PCSK2: variants seen among roughly 807,000 people sequenced by gnomAD.
PCSK2 encodes the protein proprotein convertase subtilisin/kexin type 2, also known as neuroendocrine convertase 2.
A neutral mutation model predicts 69.7 loss-of-function variants in PCSK2; 14 were observed. The observed-to-expected ratio is 0.20, with a 90% CI of 0.13 to 0.31. PCSK2 has a LOEUF of 0.31. Ranked by LOEUF, PCSK2 falls within the 10% of genes least tolerant of loss-of-function variation. The probability of loss-of-function intolerance (pLI) is 1.00; values close to 1 mark genes in which losing one functional copy is unlikely to be tolerated. For synonymous variants in PCSK2, 307 were observed against 320.7 expected, an observed-to-expected ratio of 0.96 and a Z score of 0.46; for missense variants, 544 against 842.5, an observed-to-expected ratio of 0.65 and a Z score of 4.39.
chr20:17,437,137 CGGG>C (rs56107600), intron 8 of PCSK2, among the ~76,000 whole-genome samples: 7 of 148,102 alleles, frequency 4.7e-5, no homozygotes, highest in Admixed American at 4.1e-4. Flanking sequence ...AGGAAGGGGC[CGGG>C]GGGGGGAGGG....
intron 1 of PCSK2, among the ~76,000 whole-genome samples, chr20:17,238,172 A>T (rs1331079389): frequency 6.6e-6 from 1 of 152,234 alleles, no homozygotes; most frequent in East Asian, 1.9e-4. Context: ...AAGTGGAGGT[A>T]CCAAATATAG....
chr20:17,295,613 A>G (rs886648785), intron 2 of PCSK2, among the ~76,000 whole-genome samples: 2 of 150,808 alleles, frequency 1.3e-5, no homozygotes, highest in African/African-American at 2.4e-5. Flanking sequence ...CTGAGGCTGG[A>G]GTGCAGTGGC....
intron 2 of PCSK2, among the ~76,000 whole-genome samples, chr20:17,327,615 C>T (rs1297819770): frequency 6.6e-6 from 1 of 152,192 alleles, no homozygotes; most frequent in Non-Finnish European, 1.5e-5. Context: ...GGCAACGCGG[C>T]GCTCCCTCCC....
chr20:17,336,692 C>T (rs572594834), intron 2 of PCSK2, among the ~76,000 whole-genome samples: 3 of 152,294 alleles, frequency 2.0e-5, no homozygotes, highest in Admixed American at 6.5e-5. Flanking sequence ...ATTGTTCACA[C>T]TTCGTCATTT....
At chr20:17,416,716 T>A (rs142176770) in intron 6 of PCSK2, among the ~76,000 whole-genome samples, 318 of 152,312 alleles carry the variant, frequency 2.1e-3, no homozygotes, top group African/African-American at 7.3e-3. Flanking sequence ...TAAAAACACA[T>A]GCACACATAT....
At chr20:17,429,653 A>T (rs541228629) in intron 7 of PCSK2, 130 bp downstream of exon 7, 113 of 590,234 alleles carry the variant, frequency 1.9e-4, no homozygotes, top group Middle Eastern at 1.9e-3. Flanking sequence ...AGTGAAAAAA[A>T]TTTTTTTCTT....
chr20:17,244,193 A>C (rs1986689664), intron 1 of PCSK2, among the ~76,000 whole-genome samples: 1 of 152,064 alleles, frequency 6.6e-6, no homozygotes, highest in South Asian at 2.1e-4. Context: ...ACAATTGGGG[A>C]CTCTGGGTGA....
intron 2 of PCSK2, among the ~76,000 whole-genome samples, chr20:17,311,386 T>C (rs974091658): frequency 6.6e-6 from 1 of 152,178 alleles, no homozygotes; most frequent in African/African-American, 2.4e-5. Flanking sequence ...TATATTTCTT[T>C]AAAAATTTAG....
At chr20:17,435,972 A>G (rs2032477071) in intron 7 of PCSK2, among the ~76,000 whole-genome samples, 1 of 152,136 alleles carries the variant, frequency 6.6e-6, no homozygotes, top group Admixed American at 6.5e-5. Flanking sequence ...GTGTCTTAGG[A>G]TTGTGTGTCC....
chr20:17,452,846 G>A (rs989766405), intron 8 of PCSK2, among the ~76,000 whole-genome samples: 4 of 152,220 alleles, frequency 2.6e-5, no homozygotes, highest in Admixed American at 2.0e-4. Flanking sequence ...ATACTCAGAA[G>A]ACAAGGAAAA....
chr20:17,226,722 G>T (rs1388056002), upstream of PCSK2, among the ~76,000 whole-genome samples: 1 of 151,788 alleles, frequency 6.6e-6, no homozygotes, highest in Non-Finnish European at 1.5e-5. Context: ...CAGCTGGGGG[G>T]ATTTTCCTGG....
At chr20:17,392,338 G>T (rs577369224) in intron 5 of PCSK2, among the ~76,000 whole-genome samples, 37 of 152,252 alleles carry the variant, frequency 2.4e-4, no homozygotes, top group Admixed American at 7.8e-4. Flanking sequence ...CCCTAAAAAA[G>T]GCTTGAAAGA....
intron 2 of PCSK2, among the ~76,000 whole-genome samples, chr20:17,347,888 GAAA>G (rs1568612276): frequency 4.7e-4 from 2 of 4,284 alleles, no homozygotes; most frequent in Non-Finnish European, 1.8e-3. Context: ...AAGAAAGAAA[GAAA>G]GAAAGAAAGA....
chr20:17,482,230 A>G lies in PCSK2; in HGVS notation c.*160A>G, dbSNP rs1243823385. ...ACTGTCAATGATTATTTTCATTACA[A>G]TGGAAACAATCTTTTTTACTCTATG... On this transcript the variant is annotated 3_prime_UTR_variant, in exon 12 of 12. Coordinates refer to ENST00000262545, the MANE Select transcript of PCSK2 (RefSeq NM_002594.5). 1.5e-6 allele frequency: 1 copy of G among 647,600 alleles called. No homozygotes were observed. Among genetic ancestry groups the G allele is most frequent in the Admixed American group, 3.3e-5 (1 of 30,218 alleles). 40.1% of individuals were successfully genotyped at this position (647,600 alleles called of 1,614,324 possible).
intron 8 of PCSK2, among the ~76,000 whole-genome samples, chr20:17,448,806 A>C (rs2032747516): frequency 6.6e-6 from 1 of 152,152 alleles, no homozygotes; most frequent in African/African-American, 2.4e-5. Flanking sequence ...CTTTTGAGAA[A>C]CACTGTAATC....
chr20:17,282,067 G>T (rs542060587), intron 2 of PCSK2, among the ~76,000 whole-genome samples: 1 of 152,182 alleles, frequency 6.6e-6, no homozygotes, highest in South Asian at 2.1e-4. Context: ...CCACCTTTCA[G>T]GAGTTTCTCA....
chr20:17,481,411 A>AAAAAGAG (rs2033398334), intron 11 of PCSK2, among the ~76,000 whole-genome samples, 173 bp from the exon 12 acceptor site: 1 of 108,416 alleles, frequency 9.2e-6, no homozygotes, highest in African/African-American at 4.6e-5. Flanking sequence ...AAAAAAAAAA[A>AAAAAGAG]AAAGAGATAA....
intron 1 of PCSK2, among the ~76,000 whole-genome samples, chr20:17,229,419 A>G (rs1163435552): frequency 6.8e-6 from 1 of 146,360 alleles, no homozygotes; most frequent in Non-Finnish European, 1.5e-5. Flanking sequence ...CCCCTCCCCC[A>G]CACCTTTTCA....
chr20:17,324,958 A>G (rs2123139273), intron 2 of PCSK2, among the ~76,000 whole-genome samples: 1 of 152,114 alleles, frequency 6.6e-6, no homozygotes, highest in South Asian at 2.1e-4. Flanking sequence ...CGAGGCCACC[A>G]TGCTTCTCCT....
Sources: allele counts gnomAD v4.1 joint callset (sites outside exome capture counted in the v4.1 genomes callset), GRCh38; gene constraint gnomAD v4.1.1; transcripts MANE v1.5; gene names NCBI Gene and HGNC (gene_info 2026-07-23, HGNC 2026-07-21).